The following FNBP1L variants were observed in gnomAD, a reference collection of about 807,000 sequenced individuals.
FNBP1L encodes formin binding protein 1 like, also known as formin-binding protein 1-like.
Under a neutral mutation model 91.2 loss-of-function variants are expected in FNBP1L, and 36 were observed. The observed-to-expected ratio is 0.39, with a 90% CI of 0.30 to 0.52. The LOEUF is 0.52. Among genes scored for constraint, FNBP1L ranks in the 20% least tolerant of loss-of-function variants. The probability of loss-of-function intolerance (pLI) is 0.66; values close to 1 mark genes in which losing one functional copy is unlikely to be tolerated. For missense variants in FNBP1L, 571 were observed against 732.1 expected (o/e 0.78, Z 2.54); for synonymous variants, 242 against 237.0 (o/e 1.02, Z -0.19).
chr1:93,462,801 G>C (rs564169871), intron 1 of FNBP1L, among the ~76,000 whole-genome samples: 1 of 152,178 alleles, frequency 6.6e-6, no homozygotes, highest in South Asian at 2.1e-4. Flanking sequence ...GTGTTTATCA[G>C]ATTTTTCCAC....
chr1:93,532,476 A>G (rs1671710033), intron 7 of FNBP1L, among the ~76,000 whole-genome samples: 1 of 151,048 alleles, frequency 6.6e-6, no homozygotes, highest in African/African-American at 2.4e-5. Context: ...CCTCAAAAAA[A>G]AAAAAAAAAA....
At chr1:93,551,285 C>T in intron 16 of FNBP1L, 180 bp downstream of exon 16, 2 of 1,264,658 alleles carry the variant, frequency 1.6e-6, no homozygotes, top group Non-Finnish European at 2.0e-6. Flanking sequence ...AATATTACCA[C>T]AAGAAACATT....
intron 2 of FNBP1L, among the ~76,000 whole-genome samples, chr1:93,520,111 G>A (rs1671272134): frequency 6.6e-6 from 1 of 152,108 alleles, no homozygotes; most frequent in African/African-American, 2.4e-5. Flanking sequence ...CACTTACCAT[G>A]CAGTATATTA....
At chr1:93,509,392 T>C (rs1670740459) in intron 2 of FNBP1L, among the ~76,000 whole-genome samples, 1 of 152,166 alleles carries the variant, frequency 6.6e-6, no homozygotes, top group South Asian at 2.1e-4. Flanking sequence ...ACAGAGCTCA[T>C]AGCCCCATGC....
At chr1:93,549,459 A>T in intron 15 of FNBP1L, 33 bp downstream of exon 15, 1 of 1,489,198 alleles carries the variant, frequency 6.7e-7, no homozygotes, top group Non-Finnish European at 8.9e-7. Flanking sequence ...GTATGTAAAA[A>T]AATTGGTTCT....
intron 4 of FNBP1L, 56 bp from the exon 5 acceptor site, chr1:93,524,205 T>C: frequency 7.5e-7 from 1 of 1,330,930 alleles, no homozygotes; most frequent in Non-Finnish European, 9.9e-7. Flanking sequence ...TTATTTTTAT[T>C]TGTTTTTGTT....
At chr1:93,507,423 A>G (rs893792275) in intron 2 of FNBP1L, among the ~76,000 whole-genome samples, 3 of 152,134 alleles carry the variant, frequency 2.0e-5, no homozygotes, top group Non-Finnish European at 4.4e-5. Flanking sequence ...TGTCTAAAAT[A>G]TTTTTAGTTT....
At chr1:93,491,198 G>A in intron 1 of FNBP1L, among the ~76,000 whole-genome samples, 1 of 152,040 alleles carries the variant, frequency 6.6e-6, no homozygotes, top group East Asian at 1.9e-4. Context: ...CTCCCACCTT[G>A]GCCTCCCAAG....
chr1:93,541,139 T>G, intron 11 of FNBP1L, 83 bp downstream of exon 11: 1 of 1,308,264 alleles, frequency 7.6e-7, no homozygotes, highest in Admixed American at 2.0e-5. Context: ...AAACAAGTGG[T>G]AAATTACATC....
At chr1:93,536,781 AT>A (rs1312711860) in intron 10 of FNBP1L, among the ~76,000 whole-genome samples, 2 of 152,064 alleles carry the variant, frequency 1.3e-5, no homozygotes, top group Non-Finnish European at 2.9e-5. Flanking sequence ...ATGTATTTAC[AT>A]TTTTAAGACT....
At chr1:93,507,223 C>A (rs1273124232) in intron 2 of FNBP1L, among the ~76,000 whole-genome samples, 1 of 127,524 alleles carries the variant, frequency 7.8e-6, no homozygotes, top group African/African-American at 2.9e-5. Flanking sequence ...ATTATAATTT[C>A]TGTAATATGT....
chr1:93,459,876 G>C (rs1668802343), intron 1 of FNBP1L, among the ~76,000 whole-genome samples: 3 of 151,556 alleles, frequency 2.0e-5, no homozygotes, highest in Admixed American at 2.0e-4. Flanking sequence ...TCTAATACAA[G>C]AGTACACATT....
chr1:93,544,613 A>G (rs1672154971), intron 12 of FNBP1L, among the ~76,000 whole-genome samples: 1 of 152,182 alleles, frequency 6.6e-6, no homozygotes, highest in Admixed American at 6.5e-5. Flanking sequence ...TGACGGCTTC[A>G]TATTTGTTCA....
intron 1 of FNBP1L, among the ~76,000 whole-genome samples, chr1:93,461,112 T>G (rs1668845748): frequency 6.6e-6 from 1 of 152,222 alleles, no homozygotes; most frequent in Non-Finnish European, 1.5e-5. Context: ...AGATGTCTGT[T>G]AAAATTAGGG....
chr1:93,459,123 A>G (rs1032867787), intron 1 of FNBP1L, among the ~76,000 whole-genome samples: 1 of 152,162 alleles, frequency 6.6e-6, no homozygotes, highest in Non-Finnish European at 1.5e-5. Flanking sequence ...AAAAATACAG[A>G]AATTAGCCAG....
chr1:93,464,719 A>G (rs1253441910), intron 1 of FNBP1L, among the ~76,000 whole-genome samples: 1 of 152,164 alleles, frequency 6.6e-6, no homozygotes, highest in Non-Finnish European at 1.5e-5. Flanking sequence ...ATAATTATTA[A>G]ATTATTACCT....
At chr1:93,469,942 A>G (rs1012761377) in intron 1 of FNBP1L, among the ~76,000 whole-genome samples, 2 of 152,202 alleles carry the variant, frequency 1.3e-5, no homozygotes, top group East Asian at 3.8e-4. Context: ...CAGTCTGGGC[A>G]ACAGAGTGAG....
Position 93,527,543 on chromosome 1 carries a change from T to C in FNBP1L, c.406-2109T>C, listed in dbSNP as rs79436546. Among the ~76,000 whole-genome samples the C allele has an allele frequency of 3.2e-3, 489 of 152,300 alleles. 3 individuals are homozygous for C. The highest frequency in any genetic ancestry group is 0.012 in the African/African-American group (478 of 41,558). On this transcript the variant is annotated intron_variant, in intron 5 of 16. Coordinates refer to ENST00000271234, the MANE Select transcript of FNBP1L (RefSeq NM_001164473.3). ...CTCAGAGCACAGGTTGCAAGGTGCG[T>C]ATTTTCCAGGCAAGAAATTGGAAGT...
rs149534719 is a variant in FNBP1L at position 93,479,965 on chromosome 1, T to A, written c.25-19503T>A. Among the ~76,000 whole-genome samples, 255 of 152,344 alleles carry A rather than the reference T, an allele frequency of 1.7e-3. 2 individuals carry two copies. Among genetic ancestry groups the A allele is most frequent in the African/African-American group, 6.0e-3 (250 of 41,586 alleles). On this transcript the variant is annotated intron_variant, in intron 1 of 16. Transcript: ENST00000271234. ...CATAAGAAATTATAAGAGTATTATT[T>A]GGGAACTGATAACTGTCCAGGAAAT...
Sources: allele counts gnomAD v4.1 joint callset (sites outside exome capture counted in the v4.1 genomes callset), GRCh38; gene constraint gnomAD v4.1.1; transcripts MANE v1.5; gene names NCBI Gene and HGNC (gene_info 2026-07-23, HGNC 2026-07-21).